MAST4: variants seen among roughly 807,000 people sequenced by gnomAD.
MAST4 encodes the protein microtubule associated serine/threonine kinase family member 4.
MAST4 carries 89 observed loss-of-function variants against 162.7 expected under a neutral mutation model. That is an observed-to-expected ratio of 0.55 (90% CI 0.46 to 0.65). The LOEUF is 0.65. Among genes scored for constraint, MAST4 ranks in the 30% least tolerant of loss-of-function variants. The probability of loss-of-function intolerance (pLI) is 0.00; values close to 1 mark genes in which losing one functional copy is unlikely to be tolerated. For missense variants in MAST4, 3,153 were observed against 3,374.0 expected, an observed-to-expected ratio of 0.93 and a Z score of 1.62; for synonymous variants, 1,479 against 1,361.1, an observed-to-expected ratio of 1.09 and a Z score of -1.91.
rs750948194 is a variant in MAST4 at position 67,165,931 on chromosome 5, C to T, written c.6752C>T (p.Pro2251Leu). 6.8e-6 allele frequency: 11 copies of T among 1,613,282 alleles called. No individual in the cohort carries two copies. Among genetic ancestry groups the T allele is most frequent in the Non-Finnish European group, 8.5e-6 (10 of 1,179,864 alleles). Residue 2251 changes from proline (P) to leucine (L), a missense_variant, in exon 29 of 29, where the codon CCT (proline) becomes CTT (leucine). Around this residue, in one of 7 missense-constraint regions of MAST4, gnomAD observed 1,644 missense variants for 1,495.0 expected, o/e 1.10. Transcript: ENST00000403625. ...AGTAAGAGTGGGCCGGATGTGTTTC[C>T]TGCTACCCCAGGCTCCCAGAACAAA... ...GHSKSGPDVF[P>L]ATPGSQNKAS...
At chr5:67,139,714 A>G (rs1770128175) in intron 19 of MAST4, among the ~76,000 whole-genome samples, 1 of 152,228 alleles carries the variant, frequency 6.6e-6, no homozygotes, top group Non-Finnish European at 1.5e-5. Flanking sequence ...AATGAGAACT[A>G]TCATTTGCAT....
At chr5:66,662,523 TTCGTAA>T (rs1746979288) in intron 1 of MAST4, 2 of 152,230 alleles carry the variant, frequency 1.3e-5, no homozygotes, top group African/African-American at 4.8e-5. Flanking sequence ...CTGTAGACAC[TTCGTAA>T]TATGCTTAAG....
intron 10 of MAST4, among the ~76,000 whole-genome samples, chr5:67,108,858 T>A (rs1765896098): frequency 6.6e-6 from 1 of 152,140 alleles, no homozygotes; most frequent in Non-Finnish European, 1.5e-5. Flanking sequence ...CAAGAACGAT[T>A]GTAAATGTTT....
chr5:67,026,555 T>C lies in MAST4; in HGVS notation c.675-27849T>C, dbSNP rs138459266. 1.4e-3 allele frequency among the ~76,000 whole-genome samples: 217 copies of C among 152,332 alleles called. 6 individuals carry two copies. Among genetic ancestry groups the C allele is most frequent in the African/African-American group, 5.1e-3 (210 of 41,574 alleles). The stretch of plus-strand genomic sequence containing the variant: ...ATGGAATTATTTTCAGGTTATAAGA[T>C]CCTCTACTAAATTAGATAGGAAGCT... On this transcript the variant is annotated intron_variant, in intron 4 of 28. Coordinates refer to ENST00000403625, the MANE Select transcript of MAST4 (RefSeq NM_001164664.2).
chr5:66,919,193 GC>G (rs1226202516), intron 4 of MAST4, among the ~76,000 whole-genome samples: 4 of 150,886 alleles, frequency 2.7e-5, no homozygotes, highest in African/African-American at 9.8e-5. Context: ...AATTGATATG[GC>G]ACTTTCTTGC....
intron 1 of MAST4, among the ~76,000 whole-genome samples, chr5:66,695,415 T>C (rs1240293567): frequency 6.6e-6 from 1 of 152,234 alleles, no homozygotes; most frequent in Non-Finnish European, 1.5e-5. Context: ...TTGGTTACTG[T>C]TGCCTTGTAG....
intron 4 of MAST4, among the ~76,000 whole-genome samples, chr5:66,911,606 T>TGTATCTATAG (rs1305437142): frequency 8.1e-6 from 1 of 122,844 alleles, no homozygotes; most frequent in Non-Finnish European, 1.6e-5. Context: ...CATGGTGGCA[T>TGTATCTATAG]GTATCTATAG....
intron 3 of MAST4, among the ~76,000 whole-genome samples, chr5:66,896,503 C>T (rs1202721758): frequency 6.6e-6 from 1 of 152,146 alleles, no homozygotes; most frequent in East Asian, 1.9e-4. Context: ...TAAGCTCTAC[C>T]ATTTGAAGAA....
At chr5:66,598,171 G>A (rs1189927833) in intron 1 of MAST4, among the ~76,000 whole-genome samples, 2 of 152,172 alleles carry the variant, frequency 1.3e-5, no homozygotes, top group Admixed American at 1.3e-4. Context: ...TGGCAGAGAT[G>A]GAACAAGCCT....
intron 1 of MAST4, among the ~76,000 whole-genome samples, chr5:66,650,406 T>G (rs1327819076): frequency 6.6e-6 from 1 of 152,122 alleles, no homozygotes; most frequent in Non-Finnish European, 1.5e-5. Flanking sequence ...GAGTAAATAC[T>G]CCCACCACAG....
intron 4 of MAST4, among the ~76,000 whole-genome samples, chr5:67,046,089 T>C (rs527581393): frequency 6.6e-6 from 1 of 152,300 alleles, no homozygotes; most frequent in Admixed American, 6.5e-5. Flanking sequence ...AGTAACATGC[T>C]ATACAGGTTT....
chr5:66,949,769 C>G (rs1370080500), intron 4 of MAST4, among the ~76,000 whole-genome samples: 1 of 152,070 alleles, frequency 6.6e-6, no homozygotes, highest in Non-Finnish European at 1.5e-5. Flanking sequence ...ATTTAATTTA[C>G]TTTTAATTTT....
chr5:67,031,719 C>G (rs922921943), intron 4 of MAST4, among the ~76,000 whole-genome samples: 2 of 152,138 alleles, frequency 1.3e-5, no homozygotes, highest in Non-Finnish European at 2.9e-5. Flanking sequence ...CATATCCCTA[C>G]AATCTAAATT....
At chr5:67,122,244 T>C (rs1767680232) in intron 14 of MAST4, among the ~76,000 whole-genome samples, 1 of 152,230 alleles carries the variant, frequency 6.6e-6, no homozygotes, top group African/African-American at 2.4e-5. Flanking sequence ...TTGCCATTTA[T>C]CACACATGAG....
intron 3 of MAST4, among the ~76,000 whole-genome samples, chr5:66,868,200 CT>C (rs1279797851): frequency 2.0e-5 from 3 of 151,982 alleles, no homozygotes; most frequent in Non-Finnish European, 2.9e-5. Flanking sequence ...GAGTTTGTAC[CT>C]TTCTTGGATG....
intron 4 of MAST4, among the ~76,000 whole-genome samples, chr5:67,040,439 A>C (rs1756598714): frequency 6.6e-6 from 1 of 152,186 alleles, no homozygotes; most frequent in Admixed American, 6.6e-5. Flanking sequence ...CTGTGGAGGA[A>C]GGAGCGTCTA....
chr5:67,103,953 T>G (rs1019912404), intron 9 of MAST4, among the ~76,000 whole-genome samples: 3 of 152,228 alleles, frequency 2.0e-5, no homozygotes, highest in African/African-American at 7.2e-5. Flanking sequence ...AAAGGGAGAT[T>G]ATCATTCTGA....
intron 1 of MAST4, among the ~76,000 whole-genome samples, chr5:66,719,617 A>G (rs1039180787): frequency 9.9e-5 from 15 of 152,270 alleles, no homozygotes; most frequent in African/African-American, 3.6e-4. Flanking sequence ...ACATAGGTAT[A>G]CAAGTGCCAT....
At chr5:66,999,328 C>T (rs970006224) in intron 4 of MAST4, among the ~76,000 whole-genome samples, 1 of 152,208 alleles carries the variant, frequency 6.6e-6, no homozygotes, top group African/African-American at 2.4e-5. Context: ...CATGATTCTG[C>T]ACCTTCTCCA....
Sources: gnomAD v4.1 joint callset for allele counts (sites outside exome capture counted in the v4.1 genomes callset) on GRCh38, gnomAD v4.1.1 for gene constraint, gnomAD v4.1.1 regional missense constraint, MANE v1.5 for transcripts, NCBI Gene and HGNC (gene_info 2026-07-23, HGNC 2026-07-21) for gene names.